The following BRWD1 variants were observed in gnomAD, a reference collection of about 807,000 sequenced individuals.
The protein encoded by BRWD1 is bromodomain and WD repeat-containing protein 1.
A neutral mutation model predicts 251.2 loss-of-function variants in BRWD1; 82 were observed. The ratio of observed to expected loss-of-function variants is 0.33; its 90% CI spans 0.27 to 0.39. BRWD1 has a LOEUF of 0.39. Ranked by LOEUF, BRWD1 falls within the 10% of genes least tolerant of loss-of-function variation. The pLI is 1.00. For synonymous variants in BRWD1, 918 were observed against 902.8 expected (o/e 1.02, Z -0.30); for missense variants, 2,233 against 2,711.6 (o/e 0.82, Z 3.92).
chr21:39,308,950 C>T (rs923214505), intron 4 of BRWD1, among the ~76,000 whole-genome samples: 4 of 152,120 alleles, frequency 2.6e-5, no homozygotes, highest in Admixed American at 2.6e-4. Context: ...CCGAGGCGGG[C>T]AGGTCACAAG....
In BRWD1 at chr21:39,195,990, T is replaced by C; in HGVS notation, c.*269A>G. On this transcript the variant is annotated 3_prime_UTR_variant, in exon 41 of 41. Transcript: ENST00000342449. The stretch of plus-strand genomic sequence containing the variant: ...ACCAGGATGTCTAGTGTTTAACATA[T>C]TTCAAACTCTTGCTATATGTAGTCA... 8.9e-7 allele frequency: 1 copy of C among 1,126,924 alleles called. No individual in the cohort carries two copies. Among genetic ancestry groups the C allele is most frequent in the Non-Finnish European group, 1.1e-6 (1 of 921,600 alleles). The allele number at this position is 1,126,924 out of a possible 1,614,324, so 69.8% of individuals were successfully genotyped here.
chr21:39,306,443 C>T (rs980030011), intron 4 of BRWD1, among the ~76,000 whole-genome samples: 1 of 151,898 alleles, frequency 6.6e-6, no homozygotes, highest in African/African-American at 2.4e-5. Context: ...TTCATGTATA[C>T]GAGTGGTAAA....
rs1346692951 is a variant in BRWD1, at chr21:39,198,854, A to G, written c.5562T>C (p.Ile1854=). 6.2e-7 allele frequency: 1 copy of G among 1,613,898 alleles called. No individual in the cohort carries two copies. The highest frequency in any genetic ancestry group is 2.2e-5 in the East Asian group (1 of 44,876). ...PISGNLNCDP[I]AMSQCSSDHG... ...GATCTGAGGAACACTGGGACATAGC[A>G]ATAGGGTCACAGTTCAGATTTCCTG... The change falls in exon 40 of 41, where the codon ATT becomes ATC. Residue 1854 remains isoleucine, a synonymous_variant. Coordinates refer to ENST00000342449, the MANE Select transcript of BRWD1 (RefSeq NM_033656.4).
chr21:39,313,501 C>CGGGGCGG lies in BRWD1; in HGVS notation c.-17_-11dup. 1 of 1,068,368 alleles carries CGGGGCGG rather than the reference C, an allele frequency of 9.4e-7. No homozygotes were observed. The highest frequency in any genetic ancestry group is 1.2e-6 in the Non-Finnish European group (1 of 869,008). 66.2% of individuals were successfully genotyped at this position (1,068,368 alleles called of 1,614,324 possible). A position where few individuals can be genotyped will look rare whatever the true frequency, so the allele number is the denominator to read the frequency against. ...ACGACGGCTCCGCCATGGCCGGGCG[C>CGGGGCGG]GGGGCGGGAGGCGGGAGCGAGCGAG... On this transcript the variant is annotated 5_prime_UTR_variant, in exon 1 of 41. Coordinates refer to ENST00000342449, the MANE Select transcript of BRWD1 (RefSeq NM_033656.4).
At position 39,196,088 on chromosome 21, in the gene BRWD1, C is replaced by T; in HGVS notation, c.*171G>A. ...CCTGTGCTGAATGCTGCTACAAAGA[C>T]CAGCAAGTGCAAATAAAAATAACAG... On this transcript the variant is annotated 3_prime_UTR_variant, in exon 41 of 41. Coordinates refer to ENST00000342449, the MANE Select transcript of BRWD1 (RefSeq NM_033656.4). 2.2e-6 allele frequency: 3 copies of T among 1,373,298 alleles called. No homozygotes were observed. In the South Asian group the frequency reaches 5.4e-5, roughly 25 times the overall value. 85.1% of individuals were successfully genotyped at this position (1,373,298 alleles called of 1,614,324 possible).
At position 39,213,501 on chromosome 21, in the gene BRWD1, C is replaced by A; in HGVS notation, c.3838G>T (p.Glu1280Ter). The change falls in exon 33 of 41, where the codon GAG (glutamate) becomes TAG (stop). Residue 1280 changes from glutamate to a stop codon, truncating the protein, a stop_gained. Transcript: ENST00000342449. LOFTEE classifies it high-confidence loss of function. ...SELSNTSEND[E>*]QNAEDLDDSD... is the part of the protein sequence containing the mutation. ...CATACCAAATCCTCAGCATTTTGCT[C>A]ATCATTTTCAGATGTGTTAGAAAGT... 1 of 1,611,384 alleles carries A rather than the reference C, an allele frequency of 6.2e-7. No individual in the cohort carries two copies. Among genetic ancestry groups the A allele is most frequent in the South Asian group, 1.1e-5 (1 of 90,360 alleles).
chr21:39,228,703 T>C (rs1375146951), intron 26 of BRWD1, 121 bp from the exon 27 acceptor site: 2 of 585,204 alleles, frequency 3.4e-6, no homozygotes, highest in Non-Finnish European at 6.2e-6. Flanking sequence ...CAACCAGCTA[T>C]ATTTTAAAAG....
chr21:39,199,089 G>A lies in BRWD1; in HGVS notation c.5327C>T (p.Ser1776Leu). ...TGCCTTAAGTTTCTGCACAGACGTT[G>A]ATGGGCCAGCAGTTCTGTTACATGC... ...DHACNRTAGP[S>L]TSVQKLKAES... Residue 1776 changes from serine to leucine, a missense_variant, in exon 40 of 41, where the codon TCA (serine) becomes TTA (leucine). Physicochemically the swap from Ser to Leu is moderately radical, Grantham distance 145. Around this residue, in one of 12 missense-constraint regions of BRWD1, gnomAD observed 928 missense variants for 970.0 expected, o/e 0.96. Coordinates refer to ENST00000342449, the MANE Select transcript of BRWD1 (RefSeq NM_033656.4). 6.2e-7 allele frequency: 1 copy of A among 1,614,108 alleles called. No homozygotes were observed. Among genetic ancestry groups the A allele is most frequent in the Non-Finnish European group, 8.5e-7 (1 of 1,180,012 alleles).
chr21:39,312,997 G>C, intron 3 of BRWD1, 75 bp downstream of exon 3: 1 of 1,137,100 alleles, frequency 8.8e-7, no homozygotes, highest in Non-Finnish European at 1.1e-6. Context: ...GCGGGCGGGG[G>C]GCGCGGGCGA....
At chr21:39,271,632 A>C (rs955233281) in intron 13 of BRWD1, among the ~76,000 whole-genome samples, 11 of 123,012 alleles carry the variant, frequency 8.9e-5, no homozygotes, top group African/African-American at 3.5e-4. Flanking sequence ...AGGAGGCGGA[A>C]CTTACAGTGA....
intron 4 of BRWD1, among the ~76,000 whole-genome samples, chr21:39,299,703 G>A (rs115005460): frequency 3.0e-3 from 449 of 152,028 alleles, no homozygotes; most frequent in African/African-American, 9.8e-3. Context: ...GGCTGGGCAC[G>A]GTGGCTCACG....
chr21:39,195,256 A>G lies in BRWD1; in HGVS notation c.*1003T>C, dbSNP rs2031750092. The G allele has an allele frequency of 9.8e-7, 1 of 1,018,702 alleles. No homozygotes were observed. The allele number at this position is 1,018,702 out of a possible 1,614,324, so 63.1% of individuals were successfully genotyped here. A position where few individuals can be genotyped will look rare whatever the true frequency, so the allele number is the denominator to read the frequency against. On this transcript the variant is annotated 3_prime_UTR_variant, in exon 41 of 41. Coordinates refer to ENST00000342449, the MANE Select transcript of BRWD1 (RefSeq NM_033656.4). ...TTAGCTATTTTCCTATATAGATAAG[A>G]TTTGCAATTGTACTCTTAACAAAAC... is the stretch of plus-strand genomic sequence containing the variant.
In BRWD1 at chr21:39,196,158, TA is replaced by T. The variant is rs571100522; in HGVS notation, c.*100del. On this transcript the variant is annotated 3_prime_UTR_variant, in exon 41 of 41. Transcript: ENST00000342449. ...ATAACTTTTCATAGAAAAATATAAA[TA>T]TATTCCCTGAATTGTAAGACAAAAA... 4,788 of 1,476,464 alleles carry T rather than the reference TA, an allele frequency of 3.2e-3. 13 individuals are homozygous for T. The highest frequency in any genetic ancestry group is 3.8e-3 in the Non-Finnish European group (4,299 of 1,121,356). 91.5% of individuals were successfully genotyped at this position (1,476,464 alleles called of 1,614,324 possible). A position where few individuals can be genotyped will look rare whatever the true frequency, so the allele number is the denominator to read the frequency against.
intron 21 of BRWD1, among the ~76,000 whole-genome samples, chr21:39,242,567 T>C (rs974329907): frequency 6.6e-6 from 1 of 152,164 alleles, no homozygotes. Flanking sequence ...GTGGCTACAA[T>C]AACAGATTTT....
chr21:39,195,097 T>C lies in BRWD1; in HGVS notation c.*1162A>G. 8.3e-7 allele frequency: 1 copy of C among 1,201,422 alleles called. No homozygotes were observed. The highest frequency in any genetic ancestry group is 1.0e-6 in the Non-Finnish European group (1 of 964,878). The allele number at this position is 1,201,422 out of a possible 1,614,324, so 74.4% of individuals were successfully genotyped here. A position where few individuals can be genotyped will look rare whatever the true frequency, so the allele number is the denominator to read the frequency against. On this transcript the variant is annotated 3_prime_UTR_variant, in exon 41 of 41. Transcript: ENST00000342449. ...CTTTAAATGGATTATAAAATTATTT[T>C]CCCACAAAACATGACAGTTTCTTAT...
intron 17 of BRWD1, among the ~76,000 whole-genome samples, chr21:39,264,066 T>C (rs1393511414): frequency 3.3e-5 from 5 of 152,118 alleles, no homozygotes; most frequent in African/African-American, 1.2e-4. Flanking sequence ...TTACAGGAAA[T>C]TAAGGAACTA....
At chr21:39,312,160 G>A (rs758460655) in intron 4 of BRWD1, among the ~76,000 whole-genome samples, 2 of 152,156 alleles carry the variant, frequency 1.3e-5, no homozygotes, top group African/African-American at 2.4e-5. Flanking sequence ...CAAAAGAAAT[G>A]AGACTGTAAT....
At chr21:39,296,895 C>A (rs952296443) in intron 5 of BRWD1, 2 of 983,716 alleles carry the variant, frequency 2.0e-6, no homozygotes, top group African/African-American at 1.7e-5. Flanking sequence ...GGAAAAAGTT[C>A]TTTGATTTAT....
intron 13 of BRWD1, 65 bp downstream of exon 13, chr21:39,274,297 CAGAGAGCGAGAG>C: frequency 9.3e-7 from 1 of 1,077,488 alleles, no homozygotes. Context: ...CTGAGAGACA[CAGAGAGCGAGAG>C]AGAGAGAGAG....
Sources: gnomAD v4.1 joint callset for allele counts (sites outside exome capture counted in the v4.1 genomes callset) on GRCh38, gnomAD v4.1.1 for gene constraint, gnomAD v4.1.1 regional missense constraint, MANE v1.5 for transcripts, NCBI Gene and HGNC (gene_info 2026-07-23, HGNC 2026-07-21) for gene names.